The following FRMD3 variants were observed in gnomAD, a reference collection of about 807,000 sequenced individuals.
The protein encoded by FRMD3 is FERM domain containing 3, also known as FERM domain-containing protein 3.
In FRMD3, 33 loss-of-function variants were observed where a neutral mutation model predicts 70.2. That is an observed-to-expected ratio of 0.47 (90% confidence interval 0.36 to 0.63). The LOEUF is 0.63. FRMD3 is among the 20% of genes least tolerant of loss of function. The probability of loss-of-function intolerance (pLI) is 0.00; values close to 1 mark genes in which losing one functional copy is unlikely to be tolerated. For missense variants in FRMD3, 632 were observed against 711.4 expected (o/e 0.89, Z 1.27); for synonymous variants, 279 against 255.9 (o/e 1.09, Z -0.86).
intron 6 of FRMD3, among the ~76,000 whole-genome samples, chr9:83,331,093 G>T (rs754833859): frequency 2.0e-5 from 3 of 152,124 alleles, no homozygotes; most frequent in Non-Finnish European, 1.5e-5. Context: ...GAGCAATCAT[G>T]GTGTTTGGTA....
At chr9:83,449,184 C>T (rs958908768) in intron 1 of FRMD3, among the ~76,000 whole-genome samples, 2 of 152,174 alleles carry the variant, frequency 1.3e-5, no homozygotes, top group Non-Finnish European at 2.9e-5. Context: ...ATGATTGCCC[C>T]ACCAGTCTGG....
At chr9:83,530,777 A>T (rs1829777583) in intron 1 of FRMD3, among the ~76,000 whole-genome samples, 1 of 152,166 alleles carries the variant, frequency 6.6e-6, no homozygotes, top group East Asian at 1.9e-4. Context: ...CACTTTGAGA[A>T]CCACCTACCC....
rs534059398 is a variant in FRMD3 at position 83,336,271 on chromosome 9, T to G, written c.473-632A>C. ...GTTTAGCCATTCCACAATGCATACA[T>G]ATTTCAAAACATCAGGTTGTATACC... On this transcript the variant is annotated intron_variant, in intron 5 of 13. Coordinates refer to ENST00000304195, the MANE Select transcript of FRMD3 (RefSeq NM_174938.6). Among the ~76,000 whole-genome samples the G allele has an allele frequency of 4.6e-5, 7 of 152,286 alleles. No homozygotes were observed. In the South Asian group the frequency reaches 1.2e-3, roughly 27 times the overall value.
upstream of FRMD3, among the ~76,000 whole-genome samples, chr9:83,539,036 A>G (rs1006941902): frequency 6.6e-6 from 1 of 152,204 alleles, no homozygotes; most frequent in Admixed American, 6.5e-5. Flanking sequence ...AGAGCCTTCC[A>G]TGTGCAAATC....
At chr9:83,498,603 T>C (rs1053408179) in intron 1 of FRMD3, among the ~76,000 whole-genome samples, 1 of 152,224 alleles carries the variant, frequency 6.6e-6, no homozygotes, top group Non-Finnish European at 1.5e-5. Context: ...GTATTTCATA[T>C]GTTCAAGAGA....
At chr9:83,317,519 C>T (rs761016663) in intron 6 of FRMD3, among the ~76,000 whole-genome samples, 67 of 152,176 alleles carry the variant, frequency 4.4e-4, no homozygotes, top group Non-Finnish European at 4.0e-4. Flanking sequence ...TCTCATTATT[C>T]ATTGAACTGT....
Position 83,313,066 on chromosome 9 carries a change from T to C in FRMD3, c.684+594A>G, listed in dbSNP as rs1193956397. Among the ~76,000 whole-genome samples the C allele has an allele frequency of 7.2e-5, 11 of 152,312 alleles. No homozygotes were observed. In the South Asian group the frequency reaches 2.3e-3, roughly 32 times the overall value. On this transcript the variant is annotated intron_variant, in intron 7 of 13. Transcript: ENST00000304195. ...AGAAGAACGTTGCTTCAGTGAAACA[T>C]TTCTGGAAAATGTATCTATAAGTAT...
chr9:83,362,954 T>TTC (rs1824655223), intron 3 of FRMD3, among the ~76,000 whole-genome samples: 2 of 139,498 alleles, frequency 1.4e-5, no homozygotes, highest in Non-Finnish European at 3.2e-5. Flanking sequence ...TTGCTTTCTT[T>TTC]CTTCCTTCCT....
intron 1 of FRMD3, among the ~76,000 whole-genome samples, chr9:83,449,812 G>A (rs1355177083): frequency 6.6e-6 from 1 of 152,174 alleles, no homozygotes; most frequent in Non-Finnish European, 1.5e-5. Flanking sequence ...TGAGGGTAAG[G>A]AAGGGCAGTA....
At chr9:83,286,829 A>C (rs1459355853) in intron 13 of FRMD3, among the ~76,000 whole-genome samples, 2 of 152,210 alleles carry the variant, frequency 1.3e-5, no homozygotes, top group African/African-American at 4.8e-5. Flanking sequence ...CAACAGTATT[A>C]TGTAACTCTC....
At chr9:83,579,318 C>A in the FRMD3 span, among the ~76,000 whole-genome samples, 1 of 150,906 alleles carries the variant, frequency 6.6e-6, no homozygotes, top group Non-Finnish European at 1.5e-5. Context: ...AAAAAAAATC[C>A]TTAAATTCAT....
At chr9:83,301,131 A>C (rs1834906772) in intron 10 of FRMD3, among the ~76,000 whole-genome samples, 1 of 152,152 alleles carries the variant, frequency 6.6e-6, no homozygotes, top group African/African-American at 2.4e-5. Flanking sequence ...GAGGCACGTG[A>C]GAGCCATGGC....
At chr9:83,368,063 G>T (rs1824846055) in intron 3 of FRMD3, among the ~76,000 whole-genome samples, 1 of 152,070 alleles carries the variant, frequency 6.6e-6, no homozygotes, top group Non-Finnish European at 1.5e-5. Flanking sequence ...CTGAGTAAAA[G>T]CTGATCTCAA....
chr9:83,456,859 A>G (rs1392314532), intron 1 of FRMD3, among the ~76,000 whole-genome samples: 1 of 152,152 alleles, frequency 6.6e-6, no homozygotes, highest in Non-Finnish European at 1.5e-5. Context: ...ATATACCTGT[A>G]GTCCCAGCTA....
At chr9:83,459,942 G>A (rs770882545) in intron 1 of FRMD3, among the ~76,000 whole-genome samples, 10 of 152,318 alleles carry the variant, frequency 6.6e-5, no homozygotes, top group Non-Finnish European at 1.5e-4. Flanking sequence ...CAGTGCATGC[G>A]CACTGGAGAA....
At chr9:83,576,128 T>C in the FRMD3 span, among the ~76,000 whole-genome samples, 1 of 152,090 alleles carries the variant, frequency 6.6e-6, no homozygotes, top group South Asian at 2.1e-4. Context: ...CTTACAGTTA[T>C]AGACAAAAAA....
At chr9:83,279,149 A>G (rs1263054893) in intron 13 of FRMD3, 3 of 152,094 alleles carry the variant, frequency 2.0e-5, no homozygotes, top group African/African-American at 7.2e-5. Flanking sequence ...TTTCTCTTTC[A>G]CCCAAAGCAT....
intron 10 of FRMD3, 32 bp from the exon 11 acceptor site, chr9:83,299,218 G>C (rs1286074850): frequency 6.8e-7 from 1 of 1,481,412 alleles, no homozygotes; most frequent in Non-Finnish European, 9.3e-7. Context: ...AGGTGGTTAG[G>C]ACATTGGAAA....
At chr9:83,276,657 T>C (rs1833802833) in intron 13 of FRMD3, 1 of 152,218 alleles carries the variant, frequency 6.6e-6, no homozygotes, top group African/African-American at 2.4e-5. Context: ...AAATGGTCGC[T>C]ACATGCAAAA....
Sources: gnomAD v4.1 joint callset for allele counts (sites outside exome capture counted in the v4.1 genomes callset) on GRCh38, gnomAD v4.1.1 for gene constraint, MANE v1.5 for transcripts, NCBI Gene and HGNC (gene_info 2026-07-23, HGNC 2026-07-21) for gene names.